Variants in ADAMTS14 observed in about 807,000 individuals in gnomAD.
ADAMTS14 encodes A disintegrin and metalloproteinase with thrombospondin motifs 14.
A neutral mutation model predicts 128.6 loss-of-function variants in ADAMTS14; 100 were observed. The ratio of observed to expected loss-of-function variants is 0.78; its 90% confidence interval spans 0.66 to 0.92. ADAMTS14 has a LOEUF of 0.92. ADAMTS14 is among the 40% of genes least tolerant of loss of function. The pLI, the probability that ADAMTS14 is intolerant of heterozygous loss-of-function variation, is 0.00. For synonymous variants in ADAMTS14, 665 were observed against 653.8 expected (o/e 1.02, Z -0.26); for missense variants, 1,562 against 1,658.6 (o/e 0.94, Z 1.01).
At chr10:70,743,978 G>T in intron 13 of ADAMTS14, 88 bp from the exon 14 acceptor site, 1 of 1,493,286 alleles carries the variant, frequency 6.7e-7, no homozygotes, top group South Asian at 1.3e-5. Flanking sequence ...GTCTTCTCCT[G>T]ACCAGGGCCT....
chr10:70,673,274 T>C (rs868449143), intron 1 of ADAMTS14, among the ~76,000 whole-genome samples: 8 of 143,156 alleles, frequency 5.6e-5, no homozygotes, highest in African/African-American at 2.0e-4. Flanking sequence ...GGTGTGTGTG[T>C]GTGTGTGTCT....
intron 2 of ADAMTS14, among the ~76,000 whole-genome samples, chr10:70,690,249 G>A (rs1350142950): frequency 6.9e-6 from 1 of 144,734 alleles, no homozygotes; most frequent in African/African-American, 2.4e-5. Context: ...GTGCCTGGCA[G>A]GTGAACTGTA....
Position 70,736,706 on chromosome 10 carries a change from G to T in ADAMTS14, c.1512G>T (p.Gln504His). The T allele has an allele frequency of 6.2e-7, 1 of 1,613,946 alleles. No individual in the cohort carries two copies. ...TCAGGACCTTTGAGCCCTGCAAGCA[G>T]CTGTGGTGCAGCCATCCTGACAACC... ...LAFRTFEPCK[Q>H]LWCSHPDNPY... is the part of the protein sequence containing the mutation. The change falls in exon 10 of 22, where the codon CAG (glutamine) becomes CAT (histidine). Residue 504 changes from glutamine (Q) to histidine (H), a missense_variant. Transcript: ENST00000373207.
intron 4 of ADAMTS14, among the ~76,000 whole-genome samples, chr10:70,727,253 T>A (rs1355021491): frequency 6.6e-6 from 1 of 152,186 alleles, no homozygotes; most frequent in Non-Finnish European, 1.5e-5. Context: ...AAAGCGTACA[T>A]CTCCTGTTCC....
At chr10:70,745,559 A>C in intron 15 of ADAMTS14, 1 of 507,248 alleles carries the variant, frequency 2.0e-6, no homozygotes, top group Non-Finnish European at 3.6e-6. Flanking sequence ...CCCTGGGGGC[A>C]GTTTTCTTCC....
intron 8 of ADAMTS14, among the ~76,000 whole-genome samples, 189 bp from the exon 9 acceptor site, chr10:70,734,980 G>T (rs1285491749): frequency 6.6e-6 from 1 of 152,216 alleles, no homozygotes; most frequent in African/African-American, 2.4e-5. Context: ...ATAGTCACTG[G>T]TGGGAGTGAG....
rs376737825 is a variant in ADAMTS14, at chr10:70,741,213, G to A, written c.1924+51G>A. The A allele has an allele frequency of 1.7e-4, 269 of 1,585,986 alleles. No homozygotes were observed. In the African/African-American group the frequency reaches 3.1e-3, roughly 18 times the overall value. On this transcript the variant is annotated intron_variant, in intron 12 of 21. Coordinates refer to ENST00000373207, the MANE Select transcript of ADAMTS14 (RefSeq NM_080722.4). ...CTCCATGTCCTTAGGCATCTGCGGG[G>A]GCTGTGTGTGCCCAGGCAGGGCCTC...
chr10:70,716,457 C>T lies in ADAMTS14; in HGVS notation c.870+7679C>T, dbSNP rs116757824. Among the ~76,000 whole-genome samples, 767 of 152,262 alleles carry T rather than the reference C, an allele frequency of 5.0e-3. 9 individuals carry two copies. The highest frequency in any genetic ancestry group is 0.017 in the African/African-American group (725 of 41,560). ...GGCGGTGTGGGGTTCTGGCTTCCCC[C>T]GAACAGGTGCAGAGGACGGACAGTC... On this transcript the variant is annotated intron_variant, in intron 4 of 21. Coordinates refer to ENST00000373207, the MANE Select transcript of ADAMTS14 (RefSeq NM_080722.4).
chr10:70,730,911 G>A lies in ADAMTS14; in HGVS notation c.1102+662G>A, dbSNP rs138659122. Among the ~76,000 whole-genome samples the A allele has an allele frequency of 3.1e-3, 466 of 152,294 alleles. 3 individuals carry two copies. The highest frequency in any genetic ancestry group is 0.011 in the African/African-American group (443 of 41,566). ...ACTTGCCCATGTGGTTTAGCAGACA[G>A]GAGGCAGATGTGAGACTCAAACTGG... On this transcript the variant is annotated intron_variant, in intron 6 of 21. Transcript: ENST00000373207.
intron 10 of ADAMTS14, among the ~76,000 whole-genome samples, chr10:70,737,672 G>T (rs1156342863): frequency 6.6e-6 from 1 of 152,174 alleles, no homozygotes; most frequent in African/African-American, 2.4e-5. Context: ...GGCCTGGCAG[G>T]TCCTTGATGG....
chr10:70,692,836 CT>C (rs1003848275), intron 2 of ADAMTS14, among the ~76,000 whole-genome samples: 5 of 151,656 alleles, frequency 3.3e-5, no homozygotes, highest in Admixed American at 6.6e-5. Context: ...CACTGGTATT[CT>C]TTTTTTTTCT....
At chr10:70,734,932 T>C (rs759256490) in intron 8 of ADAMTS14, among the ~76,000 whole-genome samples, 12 of 152,172 alleles carry the variant, frequency 7.9e-5, no homozygotes, top group Non-Finnish European at 1.0e-4. Flanking sequence ...CCAGTCTGGG[T>C]ACCCTTGCCT....
intron 18 of ADAMTS14, among the ~76,000 whole-genome samples, chr10:70,753,542 G>C (rs1033469929): frequency 3.3e-5 from 5 of 152,310 alleles, no homozygotes; most frequent in African/African-American, 1.2e-4. Context: ...GCTTGCTCGA[G>C]GACATGCAGG....
chr10:70,732,282 C>T lies in ADAMTS14; in HGVS notation c.1131C>T (p.His377=). 3 of 1,614,200 alleles carry T rather than the reference C, an allele frequency of 1.9e-6. No individual in the cohort carries two copies. Among genetic ancestry groups the T allele is most frequent in the Non-Finnish European group, 1.7e-6 (2 of 1,180,016 alleles). ...SGYAPVTGMC[H]PLRSCALNHE... is the part of the protein sequence containing the mutation. Reference sequence around the variant, plus strand: ...ATGCACCCGTCACTGGCATGTGTCACCCCCTGAGGAGCTGTGCCCTCAACC... The same window carrying T: ...ATGCACCCGTCACTGGCATGTGTCATCCCCTGAGGAGCTGTGCCCTCAACC... Residue 377 remains histidine (H), a synonymous_variant, in exon 7 of 22, where the codon CAC becomes CAT. Coordinates refer to ENST00000373207, the MANE Select transcript of ADAMTS14 (RefSeq NM_080722.4).
intron 4 of ADAMTS14, among the ~76,000 whole-genome samples, chr10:70,723,417 G>A (rs978757605): frequency 1.2e-4 from 19 of 152,188 alleles, no homozygotes; most frequent in African/African-American, 3.6e-4. Flanking sequence ...GTATTGGTTC[G>A]TTAACTGTGA....
At chr10:70,731,231 G>A (rs1841627962) in intron 6 of ADAMTS14, among the ~76,000 whole-genome samples, 1 of 151,942 alleles carries the variant, frequency 6.6e-6, no homozygotes, top group Non-Finnish European at 1.5e-5. Flanking sequence ...CTGCATACAT[G>A]TAGAGACACA....
At chr10:70,753,471 T>C (rs1390886806) in intron 18 of ADAMTS14, among the ~76,000 whole-genome samples, 2 of 152,232 alleles carry the variant, frequency 1.3e-5, no homozygotes, top group Admixed American at 1.3e-4. Context: ...CTCAAATATG[T>C]ATGCGGCTTT....
rs10999472 is a variant in ADAMTS14, at chr10:70,682,227, C to T, written c.522+7232C>T. 4.6e-3 allele frequency among the ~76,000 whole-genome samples: 693 copies of T among 150,978 alleles called. 6 individuals are homozygous for T. The highest frequency in any genetic ancestry group is 0.016 in the African/African-American group (659 of 40,386). ...AGGTAACAGAAGAAAGAGAAGAGGACCGGGTAGTCATAGGGGGTGGGATTA... is the reference window on the plus strand; with the variant it reads ...AGGTAACAGAAGAAAGAGAAGAGGATCGGGTAGTCATAGGGGGTGGGATTA... On this transcript the variant is annotated intron_variant, in intron 2 of 21. Coordinates refer to ENST00000373207, the MANE Select transcript of ADAMTS14 (RefSeq NM_080722.4).
At chr10:70,704,906 CCACCCG>C (rs1840612921) in intron 3 of ADAMTS14, among the ~76,000 whole-genome samples, 1 of 151,848 alleles carries the variant, frequency 6.6e-6, no homozygotes, top group African/African-American at 2.4e-5. Flanking sequence ...ATGCTTATAC[CCACCCG>C]CACTCACACA....
Sources: allele counts gnomAD v4.1 joint callset (sites outside exome capture counted in the v4.1 genomes callset), GRCh38; gene constraint gnomAD v4.1.1; transcripts MANE v1.5; gene names NCBI Gene and HGNC (gene_info 2026-07-23, HGNC 2026-07-21).